The following GSN variants were observed in gnomAD, a reference collection of about 807,000 sequenced individuals.
The protein encoded by GSN is gelsolin.
In GSN, 56 loss-of-function variants were observed where a neutral mutation model predicts 85.7. The ratio of observed to expected loss-of-function variants is 0.65; its 90% confidence interval spans 0.53 to 0.82. GSN has a LOEUF of 0.82. Ranked by LOEUF, GSN falls within the 40% of genes least tolerant of loss-of-function variation. The pLI is 0.00. For missense variants in GSN, 857 were observed against 979.8 expected, an observed-to-expected ratio of 0.87 and a Z score of 1.67; for synonymous variants, 373 against 399.1, an observed-to-expected ratio of 0.93 and a Z score of 0.78.
In GSN at chr9:121,299,827, G is replaced by A; in HGVS notation, c.-9-2136G>A. 7.5e-7 allele frequency: 1 copy of A among 1,325,376 alleles called. No individual in the cohort carries two copies. Among genetic ancestry groups the A allele is most frequent in the South Asian group, 1.7e-5 (1 of 57,248 alleles). 82.1% of individuals were successfully genotyped at this position (1,325,376 alleles called of 1,614,324 possible). The stretch of plus-strand genomic sequence containing the variant: ...CTTAAGGTCGGCGACCCGAGGCCGC[G>A]GCTGCCGACTGGGTCCCCTGCCGCT... On this transcript the variant is annotated intron_variant, in intron 2 of 17. Transcript: ENST00000432226. This position sits in a 1 kb window ranked among gnomAD's most constrained non-coding sequence, Gnocchi z 4.2.
rs1159887695 is a variant in GSN, at chr9:121,245,791, G to T, written c.-388-2485G>T. Among the ~76,000 whole-genome samples the T allele has an allele frequency of 2.0e-5, 3 of 152,298 alleles. No individual in the cohort carries two copies. The East Asian group carries it at 5.8e-4, about 29-fold the overall frequency. On this transcript the variant is annotated intron_variant, in intron 5 of 24. Coordinates refer to the GSN transcript ENST00000373823. ...AGGTCTTGCTAAGTTGCCCAGGCTG[G>T]AGTGCAGAGGCTATTCACAGGTGCA...
In GSN at chr9:121,310,863, C is replaced by G. The variant is rs2061040230; in HGVS notation, c.513+18C>G. The G allele has an allele frequency of 3.7e-6, 6 of 1,612,976 alleles. No individual in the cohort carries two copies. The highest frequency in any genetic ancestry group is 2.2e-5 in the South Asian group (2 of 91,004). On this transcript the variant is annotated intron_variant, in intron 5 of 17. Transcript: ENST00000432226. ...TGGGCAACGTGAGTCCTGCTTTCCT[C>G]TTTCCCAGGAGCCACTGAGGTGCTC...
chr9:121,249,294 A>C (rs1457465946), intron 6 of GSN, among the ~76,000 whole-genome samples: 3 of 151,920 alleles, frequency 2.0e-5, no homozygotes, highest in Admixed American at 2.0e-4. Context: ...CCTGGTCTGT[A>C]CAAAAAAAAA....
the GSN span, among the ~76,000 whole-genome samples, chr9:121,202,368 A>G: frequency 6.6e-6 from 1 of 152,198 alleles, no homozygotes; most frequent in Non-Finnish European, 1.5e-5. Flanking sequence ...GTCCTGTCCA[A>G]CAAACGTCGG....
At chr9:121,322,878 T>C (rs2062658244) in intron 11 of GSN, among the ~76,000 whole-genome samples, 1 of 151,278 alleles carries the variant, frequency 6.6e-6, no homozygotes, top group African/African-American at 2.4e-5. Flanking sequence ...TTGGCCAGGC[T>C]GTAGTGCAGT....
At chr9:121,229,718 G>C (rs2054350430) in intron 4 of GSN, among the ~76,000 whole-genome samples, 1 of 152,124 alleles carries the variant, frequency 6.6e-6, no homozygotes, top group Non-Finnish European at 1.5e-5. Flanking sequence ...TTAAAGTGGT[G>C]GTTATCAGAA....
intron 11 of GSN, 49 bp from the exon 12 acceptor site, chr9:121,324,505 C>A: frequency 1.1e-6 from 1 of 939,050 alleles, no homozygotes; most frequent in Non-Finnish European, 1.7e-6. Context: ...AAGGGAGAGG[C>A]TCAGGGCTCT....
intron 6 of GSN, among the ~76,000 whole-genome samples, chr9:121,262,075 A>AT (rs2055098059): frequency 6.6e-6 from 1 of 152,246 alleles, no homozygotes; most frequent in African/African-American, 2.4e-5. Flanking sequence ...ACAGCTCCAA[A>AT]TACCTTCCAT....
intron 5 of GSN, chr9:121,239,218 G>T: frequency 2.9e-6 from 1 of 340,442 alleles, no homozygotes; most frequent in South Asian, 2.6e-5. Context: ...CTCTTGAAGT[G>T]CTTCAGTAGA....
chr9:121,255,414 T>G (rs563578640), intron 6 of GSN, among the ~76,000 whole-genome samples: 1 of 152,272 alleles, frequency 6.6e-6, no homozygotes, highest in Non-Finnish European at 1.5e-5. Context: ...TTTTGTATTT[T>G]TTATAGAGAC....
At chr9:121,256,082 C>T (rs980698891) in intron 6 of GSN, among the ~76,000 whole-genome samples, 7 of 151,858 alleles carry the variant, frequency 4.6e-5, no homozygotes, top group Non-Finnish European at 1.0e-4. Flanking sequence ...CTACTCTCTT[C>T]GGGGGTCAAA....
chr9:121,247,270 A>G (rs570148515), intron 5 of GSN, among the ~76,000 whole-genome samples: 1 of 152,262 alleles, frequency 6.6e-6, no homozygotes, highest in South Asian at 2.1e-4. Context: ...TGCTCAGGGA[A>G]AGAAAGGCTA....
chr9:121,224,593 C>A (rs780859317), intron 4 of GSN, among the ~76,000 whole-genome samples: 8 of 151,950 alleles, frequency 5.3e-5, no homozygotes, highest in Non-Finnish European at 1.0e-4. Flanking sequence ...TTTCTGGCTT[C>A]TTCCTGAAAT....
chr9:121,281,361 G>GT (rs2057344356), intron 1 of GSN, 109 bp from the exon 2 acceptor site: 1 of 350,244 alleles, frequency 2.9e-6, no homozygotes, highest in Admixed American at 4.0e-5. Context: ...AGTACTGATT[G>GT]TGTGACCCCT....
intron 4 of GSN, among the ~76,000 whole-genome samples, chr9:121,303,765 G>A (rs925233805): frequency 2.6e-5 from 4 of 152,184 alleles, no homozygotes; most frequent in South Asian, 2.1e-4. Flanking sequence ...AATGCCTTGC[G>A]TGGGGCTTGG....
chr9:121,264,049 G>T (rs1347954494), upstream of GSN, among the ~76,000 whole-genome samples: 1 of 151,998 alleles, frequency 6.6e-6, no homozygotes, highest in East Asian at 1.9e-4. Flanking sequence ...GATTTGGGTG[G>T]GAACACAGAG....
In GSN at chr9:121,299,271, G is replaced by GGGAGCC. The variant is rs1270819394; in HGVS notation, c.-9-2689_-9-2684dup. On this transcript the variant is annotated intron_variant, in intron 2 of 17. Transcript: ENST00000432226. The surrounding 1 kb of genome is among the most constrained non-coding windows in gnomAD (Gnocchi z 4.2). ...AGTCCTGCCGGCTTCACCTGCCCAC[G>GGGAGCC]GGAGCCGGGTCCCCTGCCCTGCTGC... The GGGAGCC allele has an allele frequency of 1.0e-6, 1 of 984,850 alleles. No homozygotes were observed. Among genetic ancestry groups the GGGAGCC allele is most frequent in the Non-Finnish European group, 1.2e-6 (1 of 829,484 alleles). The allele number at this position is 984,850 out of a possible 1,614,324, so 61.0% of individuals were successfully genotyped here. A position where few individuals can be genotyped will look rare whatever the true frequency, so the allele number is the denominator to read the frequency against.
upstream of GSN, among the ~76,000 whole-genome samples, chr9:121,266,876 G>A (rs1047888085): frequency 7.2e-5 from 11 of 152,192 alleles, no homozygotes; most frequent in African/African-American, 2.7e-4. Flanking sequence ...AAGAGCCAGG[G>A]TGAGATTCCC....
chr9:121,293,217 G>A (rs950472411), intron 2 of GSN, among the ~76,000 whole-genome samples: 2 of 152,188 alleles, frequency 1.3e-5, no homozygotes, highest in African/African-American at 4.8e-5. Flanking sequence ...GCAGGCAGGA[G>A]GGGACCCTGG....
Sources: gnomAD v4.1 joint callset for allele counts (sites outside exome capture counted in the v4.1 genomes callset) on GRCh38, gnomAD v4.1.1 for gene constraint, Gnocchi (gnomAD v3.1) non-coding constraint, MANE v1.5 for transcripts, NCBI Gene and HGNC (gene_info 2026-07-23, HGNC 2026-07-21) for gene names.